Variants in GLRA3 observed in about 807,000 individuals in gnomAD.
GLRA3 encodes the protein glycine receptor alpha 3, also known as glycine receptor subunit alpha-3.
In GLRA3, 44 loss-of-function variants were observed where a neutral mutation model predicts 60.4. The observed-to-expected ratio is 0.73, with a 90% CI of 0.57 to 0.94. The LOEUF (loss-of-function observed/expected upper bound fraction) is 0.94, where lower values mean the gene tolerates loss of function less well. Ranked by LOEUF, GLRA3 falls within the 40% of genes least tolerant of loss-of-function variation. The probability of loss-of-function intolerance (pLI) is 0.00; values close to 1 mark genes in which losing one functional copy is unlikely to be tolerated. For missense variants in GLRA3, 508 were observed against 564.6 expected (o/e 0.90, Z 1.02); for synonymous variants, 223 against 192.9 (o/e 1.16, Z -1.29).
intron 3 of GLRA3, among the ~76,000 whole-genome samples, chr4:174,729,193 T>G (rs923608496): frequency 3.3e-5 from 5 of 152,226 alleles, no homozygotes; most frequent in African/African-American, 1.2e-4. Context: ...CAGAATAAAA[T>G]GTTGGAATGC....
chr4:174,660,159 A>G (rs140302084), intron 7 of GLRA3, among the ~76,000 whole-genome samples: 1 of 152,190 alleles, frequency 6.6e-6, no homozygotes, highest in African/African-American at 2.4e-5. Context: ...GACATTTATA[A>G]CATTGATAAA....
At chr4:174,683,230 G>A (rs1423204606) in intron 5 of GLRA3, among the ~76,000 whole-genome samples, 3 of 152,086 alleles carry the variant, frequency 2.0e-5, no homozygotes, top group Non-Finnish European at 4.4e-5. Flanking sequence ...CTTGGGATGG[G>A]TAGCTACTAG....
chr4:174,729,997 A>G (rs762475440), intron 3 of GLRA3, among the ~76,000 whole-genome samples: 28 of 152,166 alleles, frequency 1.8e-4, no homozygotes, highest in Non-Finnish European at 2.9e-4. Context: ...CTCTTGATCA[A>G]TATTTGTGCC....
At position 174,822,575 on chromosome 4, in the gene GLRA3, T is replaced by C. The variant is rs562627005; in HGVS notation, c.71+6166A>G. On this transcript the variant is annotated intron_variant, in intron 1 of 9. Transcript: ENST00000274093. ...TTAAGGGATGACCACCTGTTGAAGATGTTCAGAGATTCTAAAATTTAGGTA... is the reference window on the plus strand; with the variant it reads ...TTAAGGGATGACCACCTGTTGAAGACGTTCAGAGATTCTAAAATTTAGGTA... 1.1e-4 allele frequency among the ~76,000 whole-genome samples: 17 copies of C among 152,336 alleles called. No individual in the cohort carries two copies. In the Middle Eastern group the frequency reaches 0.01, roughly 91 times the overall value.
At chr4:174,646,627 C>G (rs1164126997) in intron 9 of GLRA3, among the ~76,000 whole-genome samples, 1 of 152,168 alleles carries the variant, frequency 6.6e-6, no homozygotes, top group African/African-American at 2.4e-5. Context: ...CATAAACACC[C>G]TGACTTTTGT....
intron 2 of GLRA3, among the ~76,000 whole-genome samples, chr4:174,778,684 G>A (rs1391989580): frequency 1.3e-5 from 2 of 152,244 alleles, no homozygotes; most frequent in Non-Finnish European, 2.9e-5. Flanking sequence ...GGGTCAGGGA[G>A]TTCCCTTTCC....
Position 174,826,716 on chromosome 4 carries a change from T to G in GLRA3, c.71+2025A>C, listed in dbSNP as rs1026128243. On this transcript the variant is annotated intron_variant, in intron 1 of 9. Transcript: ENST00000274093. Reference sequence around the variant, plus strand: ...TTGCCCTGGTAAGCTGTTTTGAAATTTAAAAATATGTTAAGAATTAATGCC... The same window carrying G: ...TTGCCCTGGTAAGCTGTTTTGAAATGTAAAAATATGTTAAGAATTAATGCC... Among the ~76,000 whole-genome samples, 17 of 152,202 alleles carry G rather than the reference T, an allele frequency of 1.1e-4. 1 individual carries two copies. Among genetic ancestry groups the G allele is most frequent in the Admixed American group, 1.1e-3 (17 of 15,284 alleles).
chr4:174,709,029 C>A (rs1483521594), intron 5 of GLRA3, among the ~76,000 whole-genome samples: 1 of 151,416 alleles, frequency 6.6e-6, no homozygotes, highest in Non-Finnish European at 1.5e-5. Context: ...ATTTCTTTTG[C>A]GTCAAATAAA....
At chr4:174,663,728 T>A (rs2110905512) in intron 7 of GLRA3, among the ~76,000 whole-genome samples, 1 of 152,290 alleles carries the variant, frequency 6.6e-6, no homozygotes, top group East Asian at 1.9e-4. Flanking sequence ...CTAGTAACTT[T>A]AAAATAAAGA....
chr4:174,817,749 G>T (rs938535835), intron 1 of GLRA3, among the ~76,000 whole-genome samples: 1 of 152,036 alleles, frequency 6.6e-6, no homozygotes, highest in Non-Finnish European at 1.5e-5. Context: ...TGGGATTAAA[G>T]GTGTGCACCA....
At chr4:174,727,782 A>G (rs1172441827) in intron 4 of GLRA3, among the ~76,000 whole-genome samples, 5 of 152,106 alleles carry the variant, frequency 3.3e-5, no homozygotes, top group African/African-American at 7.2e-5. Flanking sequence ...GGTATTAATT[A>G]TTATTCAATA....
chr4:174,644,457 G>A (rs1052820232), intron 9 of GLRA3, among the ~76,000 whole-genome samples: 7 of 151,662 alleles, frequency 4.6e-5, no homozygotes, highest in Non-Finnish European at 8.8e-5. Context: ...TGTCGAAGGG[G>A]AACATACCAG....
At chr4:174,692,066 C>T (rs1267403030) in intron 5 of GLRA3, among the ~76,000 whole-genome samples, 6 of 144,002 alleles carry the variant, frequency 4.2e-5, no homozygotes, top group Middle Eastern at 0.01. Flanking sequence ...AGGTGAGGAG[C>T]GTCTCTGCTG....
chr4:174,700,312 AT>A (rs1735258166), intron 5 of GLRA3, among the ~76,000 whole-genome samples: 1 of 152,020 alleles, frequency 6.6e-6, no homozygotes, highest in Non-Finnish European at 1.5e-5. Flanking sequence ...TATCAGCTCC[AT>A]TTTTCCAGCA....
chr4:174,781,272 C>A, intron 2 of GLRA3, among the ~76,000 whole-genome samples: 1 of 150,460 alleles, frequency 6.6e-6, no homozygotes, highest in East Asian at 2.0e-4. Context: ...CCAATGAGAA[C>A]AAAGACACAA....
rs577340665 is a variant in GLRA3, at chr4:174,797,253, C to T, written c.72-8310G>A. 9.2e-5 allele frequency among the ~76,000 whole-genome samples: 14 copies of T among 152,260 alleles called. No homozygotes were observed. In the South Asian group the frequency reaches 2.7e-3, roughly 29 times the overall value. On this transcript the variant is annotated intron_variant, in intron 1 of 9. Transcript: ENST00000274093. ...AACCTCCTAGTTTCAACAGAGCTGA[C>T]GTATTTATAGCAAGTTACTAAGATT...
chr4:174,732,467 T>C (rs527434533), intron 3 of GLRA3, among the ~76,000 whole-genome samples: 4 of 152,162 alleles, frequency 2.6e-5, no homozygotes, highest in Non-Finnish European at 4.4e-5. Context: ...ATCCTTATGC[T>C]TGTGCAACAG....
chr4:174,691,747 T>A (rs1019989801), intron 5 of GLRA3, among the ~76,000 whole-genome samples: 13 of 152,158 alleles, frequency 8.5e-5, no homozygotes, highest in African/African-American at 2.9e-4. Context: ...CGCTACAACC[T>A]CCACCTCCCA....
chr4:174,782,554 T>C (rs1738927657), intron 2 of GLRA3, among the ~76,000 whole-genome samples: 1 of 151,912 alleles, frequency 6.6e-6, no homozygotes, highest in Non-Finnish European at 1.5e-5. Context: ...GACATGATTG[T>C]ATATCTAGAA....
Sources: gnomAD v4.1 joint callset for allele counts (sites outside exome capture counted in the v4.1 genomes callset) on GRCh38, gnomAD v4.1.1 for gene constraint, MANE v1.5 for transcripts, NCBI Gene and HGNC (gene_info 2026-07-23, HGNC 2026-07-21) for gene names.